Variants in OPCML observed in about 807,000 individuals in gnomAD.
The protein encoded by OPCML is opioid-binding protein/cell adhesion molecule.
In OPCML, 13 loss-of-function variants were observed where a neutral mutation model predicts 37.8. The observed-to-expected ratio is 0.34, with a 90% CI of 0.22 to 0.55. OPCML has a LOEUF of 0.55. Ranked by LOEUF, OPCML falls within the 20% of genes least tolerant of loss-of-function variation. The pLI is 0.91. For missense variants in OPCML, 341 were observed against 435.6 expected (o/e 0.78, Z 1.93); for synonymous variants, 176 against 168.8 (o/e 1.04, Z -0.33).
Position 132,943,235 on chromosome 11 carries a change from G to C in OPCML, c.62-225C>G. ...GAGCAGGGGGAAGGAGAAGAGAGGA[G>C]TCCGGGCTCTCCGGAGTCTGAGAAT... On this transcript the variant is annotated intron_variant, in intron 1 of 7. Transcript: ENST00000524381. The surrounding 1 kb of genome is among the most constrained non-coding windows in gnomAD (Gnocchi z 4.3). The C allele has an allele frequency of 2.4e-6, 3 of 1,244,570 alleles. No homozygotes were observed. Among genetic ancestry groups the C allele is most frequent in the Non-Finnish European group, 3.3e-6 (3 of 900,026 alleles). 77.1% of individuals were successfully genotyped at this position (1,244,570 alleles called of 1,614,324 possible).
rs11454717 is a variant in OPCML at position 132,726,508 on chromosome 11, ATTT to A, written c.147-69192_147-69190del. ...AGGGACACAGCCAAACCATATCAACATTTTTTTTTTTTAAAGAAAACCTCATAA... is the reference window on the plus strand; with the variant it reads ...AGGGACACAGCCAAACCATATCAACATTTTTTTTTAAAGAAAACCTCATAA... On this transcript the variant is annotated intron_variant, in intron 2 of 7. Transcript: ENST00000524381. Among the ~76,000 whole-genome samples the A allele has an allele frequency of 8.8e-3, 1,321 of 149,702 alleles. 10 individuals carry two copies. Among genetic ancestry groups the A allele is most frequent in the South Asian group, 0.017 (80 of 4,716 alleles).
At chr11:133,084,090 G>A (rs1361243083) in intron 1 of OPCML, among the ~76,000 whole-genome samples, 1 of 152,044 alleles carries the variant, frequency 6.6e-6, no homozygotes, top group South Asian at 2.1e-4. Flanking sequence ...ACTGGCAAGC[G>A]GAGACTGTAT....
intron 1 of OPCML, among the ~76,000 whole-genome samples, chr11:133,029,619 A>T (rs1470679738): frequency 6.6e-6 from 1 of 152,234 alleles, no homozygotes; most frequent in Non-Finnish European, 1.5e-5. Flanking sequence ...TAATGCAGGA[A>T]CAGAAAACCA....
chr11:133,512,528 T>G (rs1948182217), intron 1 of OPCML, among the ~76,000 whole-genome samples: 1 of 152,148 alleles, frequency 6.6e-6, no homozygotes, highest in Non-Finnish European at 1.5e-5. Context: ...GATTACATTA[T>G]TAGCCACTGG....
chr11:132,897,628 G>T (rs1943899490), intron 2 of OPCML, among the ~76,000 whole-genome samples: 1 of 152,188 alleles, frequency 6.6e-6, no homozygotes, highest in African/African-American at 2.4e-5. Context: ...AGAGGCACCA[G>T]CTAAAAGTGG....
intron 2 of OPCML, among the ~76,000 whole-genome samples, chr11:132,679,912 TGGAGACA>T (rs1942866441): frequency 1.3e-5 from 2 of 152,228 alleles, no homozygotes; most frequent in Admixed American, 6.5e-5. Context: ...AACTGTTTGT[TGGAGACA>T]GGTGGAGTGG....
chr11:133,176,955 G>C (rs1001619972), intron 1 of OPCML, among the ~76,000 whole-genome samples: 2 of 152,146 alleles, frequency 1.3e-5, no homozygotes, highest in Non-Finnish European at 2.9e-5. Flanking sequence ...CCAGCCATGA[G>C]GCTGTCTTCA....
intron 1 of OPCML, chr11:133,418,363 T>C (rs1945812470): frequency 7.1e-6 from 7 of 985,224 alleles, no homozygotes; most frequent in Non-Finnish European, 8.4e-6. Flanking sequence ...GTAAAAAAAT[T>C]CAAGAACTAT....
Position 133,054,197 on chromosome 11 carries a change from C to T in OPCML, c.62-111187G>A, listed in dbSNP as rs554661668. On this transcript the variant is annotated intron_variant, in intron 1 of 7. Coordinates refer to ENST00000524381, the MANE Select transcript of OPCML (RefSeq NM_001012393.5). The stretch of plus-strand genomic sequence containing the variant: ...GCAGCAGGCTCTGACTGGCCCTGCT[C>T]TCATCATGTTGGCCCTCTTATACAT... Among the ~76,000 whole-genome samples the T allele has an allele frequency of 5.3e-5, 8 of 152,276 alleles. No homozygotes were observed. In the South Asian group the frequency reaches 1.7e-3, roughly 32 times the overall value.
chr11:133,189,982 T>TGAA (rs1938237278), intron 1 of OPCML, among the ~76,000 whole-genome samples: 1 of 152,350 alleles, frequency 6.6e-6, no homozygotes, highest in East Asian at 1.9e-4. Flanking sequence ...TGGCGGGACC[T>TGAA]GGTTACGTTT....
At chr11:133,509,899 T>G (rs1948116786) in intron 1 of OPCML, among the ~76,000 whole-genome samples, 1 of 152,196 alleles carries the variant, frequency 6.6e-6, no homozygotes, top group African/African-American at 2.4e-5. Flanking sequence ...GTGTCTCTTC[T>G]TAAAGGCTTT....
At chr11:133,282,242 T>C (rs146769894) in intron 1 of OPCML, among the ~76,000 whole-genome samples, 3 of 152,182 alleles carry the variant, frequency 2.0e-5, no homozygotes, top group East Asian at 3.9e-4. Context: ...AAAATAATGG[T>C]TTCAGGAGCC....
intron 1 of OPCML, among the ~76,000 whole-genome samples, chr11:133,218,027 C>T (rs1269249800): frequency 2.1e-5 from 3 of 141,670 alleles, no homozygotes; most frequent in Admixed American, 6.8e-5. Flanking sequence ...GCCTGAACAA[C>T]AGAGACATAC....
chr11:132,752,013 G>C (rs1945850983), intron 2 of OPCML, among the ~76,000 whole-genome samples: 1 of 152,170 alleles, frequency 6.6e-6, no homozygotes, highest in African/African-American at 2.4e-5. Flanking sequence ...TGCACACACA[G>C]TATTTAAAAG....
chr11:133,492,712 C>CAAA lies in OPCML; in HGVS notation c.61+39549_61+39551dup, dbSNP rs10688841. Among the ~76,000 whole-genome samples the CAAA allele has an allele frequency of 2.4e-3, 300 of 126,784 alleles. 1 individual carries two copies. Among genetic ancestry groups the CAAA allele is most frequent in the South Asian group, 0.019 (71 of 3,646 alleles). 83.2% of individuals were successfully genotyped at this position (126,784 alleles called of 152,430 possible). A position where few individuals can be genotyped will look rare whatever the true frequency, so the allele number is the denominator to read the frequency against. On this transcript the variant is annotated intron_variant, in intron 1 of 7. Coordinates refer to ENST00000524381, the MANE Select transcript of OPCML (RefSeq NM_001012393.5). ...TAAGAGCTAAGCAGGCAATTACTGC[C>CAAA]AAAAAAAAAAAAAAGTTTAAATTCA...
intron 2 of OPCML, among the ~76,000 whole-genome samples, chr11:132,920,469 A>G (rs1392876420): frequency 6.6e-6 from 1 of 152,148 alleles, no homozygotes; most frequent in Non-Finnish European, 1.5e-5. Context: ...AAGCTACATC[A>G]GTTAAAAGGA....
At chr11:133,091,810 G>A (rs1020649344) in intron 1 of OPCML, among the ~76,000 whole-genome samples, 1 of 152,130 alleles carries the variant, frequency 6.6e-6, no homozygotes, top group Non-Finnish European at 1.5e-5. Context: ...TGATTTAAAC[G>A]ATATTTAGAT....
intron 2 of OPCML, among the ~76,000 whole-genome samples, chr11:132,744,181 GT>G (rs1184335392): frequency 1.9e-4 from 29 of 152,152 alleles, no homozygotes; most frequent in Admixed American, 1.9e-3. Flanking sequence ...ACGTGCCTAT[GT>G]TGCAACTCCT....
intron 1 of OPCML, chr11:133,302,296 C>T (rs1212544973): frequency 1.3e-5 from 2 of 152,190 alleles, no homozygotes; most frequent in African/African-American, 4.8e-5. Flanking sequence ...CTCGGGAGAT[C>T]TGTTGGTTTT....
Sources: gnomAD v4.1 joint callset for allele counts (sites outside exome capture counted in the v4.1 genomes callset) on GRCh38, gnomAD v4.1.1 for gene constraint, Gnocchi (gnomAD v3.1) non-coding constraint, MANE v1.5 for transcripts, NCBI Gene and HGNC (gene_info 2026-07-23, HGNC 2026-07-21) for gene names.